Variants in PRUNE2 observed in about 807,000 individuals in gnomAD.
PRUNE2 encodes the protein prune homolog 2 with BCH domain, also known as protein prune homolog 2.
In PRUNE2, 164 loss-of-function variants were observed where a neutral mutation model predicts 252.0. The observed-to-expected ratio is 0.65, with a 90% CI of 0.57 to 0.74. The LOEUF (loss-of-function observed/expected upper bound fraction) is 0.74, where lower values mean the gene tolerates loss of function less well. Ranked by LOEUF, PRUNE2 falls within the 30% of genes least tolerant of loss-of-function variation. The pLI is 0.00. For missense variants in PRUNE2, 3,495 were observed against 3,711.0 expected, an observed-to-expected ratio of 0.94 and a Z score of 1.51; for synonymous variants, 1,292 against 1,350.2, an observed-to-expected ratio of 0.96 and a Z score of 0.94.
intron 18 of PRUNE2, among the ~76,000 whole-genome samples, chr9:76,615,589 C>A (rs577157388): frequency 6.6e-6 from 1 of 152,124 alleles, no homozygotes; most frequent in Non-Finnish European, 1.5e-5. Context: ...AAGTCACCCA[C>A]CTTCTCTAAG....
At chr9:76,637,757 T>A (rs1440284513) in intron 13 of PRUNE2, among the ~76,000 whole-genome samples, 14 of 152,154 alleles carry the variant, frequency 9.2e-5, no homozygotes, top group Admixed American at 9.2e-4. Context: ...TAAATGGAGG[T>A]ACACTAGAAA....
At chr9:76,815,155 C>G (rs2057603497) in intron 6 of PRUNE2, among the ~76,000 whole-genome samples, 1 of 152,158 alleles carries the variant, frequency 6.6e-6, no homozygotes, top group Admixed American at 6.6e-5. Flanking sequence ...ATCTTCTCTA[C>G]CTGCTCTGTG....
chr9:76,783,331 T>C (rs2054626200), intron 6 of PRUNE2, among the ~76,000 whole-genome samples: 1 of 152,078 alleles, frequency 6.6e-6, no homozygotes, highest in Non-Finnish European at 1.5e-5. Context: ...GAGATGGGGT[T>C]TCACCATATT....
chr9:76,883,259 G>A (rs1022238262), intron 1 of PRUNE2, among the ~76,000 whole-genome samples: 4 of 152,164 alleles, frequency 2.6e-5, no homozygotes, highest in African/African-American at 9.7e-5. Context: ...ACCTCGAGTC[G>A]TCCAAGAATC....
chr9:76,640,266 G>A (rs533709392), intron 12 of PRUNE2, among the ~76,000 whole-genome samples: 1 of 152,230 alleles, frequency 6.6e-6, no homozygotes, highest in Admixed American at 6.5e-5. Flanking sequence ...GTATAGATTT[G>A]GATGGAGTTA....
At chr9:76,838,190 A>G (rs1053287435) in intron 4 of PRUNE2, among the ~76,000 whole-genome samples, 1 of 149,700 alleles carries the variant, frequency 6.7e-6, no homozygotes, top group Non-Finnish European at 1.5e-5. Context: ...TACTGCATGC[A>G]TTTTTGTAAG....
At chr9:76,846,026 G>A (rs1235677000) in intron 4 of PRUNE2, among the ~76,000 whole-genome samples, 1 of 152,190 alleles carries the variant, frequency 6.6e-6, no homozygotes, top group Non-Finnish European at 1.5e-5. Context: ...CAAGACAGGG[G>A]AGCAAAGGAG....
Position 76,707,269 on chromosome 9 carries a change from T to C in PRUNE2, c.5005A>G (p.Ile1669Val), listed in dbSNP as rs2134891063. The C allele has an allele frequency of 1.9e-6, 3 of 1,613,966 alleles. No individual in the cohort carries two copies. The highest frequency in any genetic ancestry group is 1.7e-6 in the Non-Finnish European group (2 of 1,179,884). ...ASYQEKNEHDISATVQPEDAR... is the reference protein window; with the variant it reads ...ASYQEKNEHDVSATVQPEDAR... ...TCCTCTGGCTGCACAGTTGCAGAAATGTCATGTTCATTTTTCTCCTGGTAG... is the reference window on the plus strand; with the variant it reads ...TCCTCTGGCTGCACAGTTGCAGAAACGTCATGTTCATTTTTCTCCTGGTAG... Residue 1669 changes from isoleucine (I) to valine (V), a missense_variant, in exon 8 of 19, where the codon ATT (isoleucine) becomes GTT (valine). Physicochemically the swap from Ile to Val is conservative, Grantham distance 29 (BLOSUM62 3). Coordinates refer to ENST00000376718, the MANE Select transcript of PRUNE2 (RefSeq NM_015225.3).
intron 6 of PRUNE2, among the ~76,000 whole-genome samples, chr9:76,720,528 G>A (rs57347426): frequency 0.22 from 32,824 of 151,628 alleles, 4,035 homozygotes; most frequent in East Asian, 0.57. Flanking sequence ...AGAACTAAAA[G>A]CATATATAAA....
intron 4 of PRUNE2, among the ~76,000 whole-genome samples, chr9:76,837,891 C>T (rs1208554001): frequency 6.6e-6 from 1 of 151,408 alleles, no homozygotes; most frequent in African/African-American, 2.4e-5. Flanking sequence ...CCTGCCTCAG[C>T]CTCCTGAGTA....
At chr9:76,788,038 G>A (rs921095174) in intron 6 of PRUNE2, among the ~76,000 whole-genome samples, 4 of 151,978 alleles carry the variant, frequency 2.6e-5, no homozygotes, top group South Asian at 2.1e-4. Flanking sequence ...TTTAAGATTC[G>A]GCTCAAGAGT....
At chr9:76,876,052 T>C (rs983564562) in intron 1 of PRUNE2, among the ~76,000 whole-genome samples, 3 of 152,344 alleles carry the variant, frequency 2.0e-5, no homozygotes, top group East Asian at 3.9e-4. Context: ...CTCTATGGCA[T>C]ACTAGTAGTA....
rs547305828 is a variant in PRUNE2, at chr9:76,902,040, G to A, written c.36+3888C>T. ...AGCTGCTTGAGTTGCATCACCTGGG[G>A]GGGTCTGGGCAGTGAGGGAGGCTCA... is the stretch of plus-strand genomic sequence containing the variant. On this transcript the variant is annotated intron_variant, in intron 1 of 18. Transcript: ENST00000376718. 3.3e-5 allele frequency among the ~76,000 whole-genome samples: 5 copies of A among 152,278 alleles called. No homozygotes were observed. In the South Asian group the frequency reaches 6.2e-4, roughly 19 times the overall value.
intron 6 of PRUNE2, among the ~76,000 whole-genome samples, chr9:76,714,639 C>T (rs2046996327): frequency 6.6e-6 from 1 of 152,192 alleles, no homozygotes; most frequent in South Asian, 2.1e-4. Context: ...TCAACTGATC[C>T]ACCCACTTCA....
At chr9:76,702,714 CCTGT>C (rs761730202) in intron 9 of PRUNE2, among the ~76,000 whole-genome samples, 1 of 152,160 alleles carries the variant, frequency 6.6e-6, no homozygotes, top group African/African-American at 2.4e-5. Flanking sequence ...TGCTGTGGAG[CCTGT>C]CTCTTATCTA....
rs756892862 is a variant in PRUNE2, at chr9:76,704,037, G to A, written c.7576C>T (p.Gln2526Ter). 4.5e-5 allele frequency: 73 copies of A among 1,610,604 alleles called. No individual in the cohort carries two copies. Among genetic ancestry groups the A allele is most frequent in the Non-Finnish European group, 5.8e-5 (68 of 1,179,040 alleles). ...TCTTCCTTGTATTCTGATTTTATCTGCTCAGGCTCTTTGGTAGGAATTGTT... is the reference window on the plus strand; with the variant it reads ...TCTTCCTTGTATTCTGATTTTATCTACTCAGGCTCTTTGGTAGGAATTGTT... ...EKTIPTKEPE[Q>*]IKSEYKEERC... The change falls in exon 9 of 19, where the codon CAG becomes TAG. Residue 2526 changes from glutamine to a stop codon, truncating the protein, a stop_gained. Coordinates refer to ENST00000376718, the MANE Select transcript of PRUNE2 (RefSeq NM_015225.3). LOFTEE classifies it high-confidence loss of function.
chr9:76,634,908 T>C (rs1839321404), intron 15 of PRUNE2, among the ~76,000 whole-genome samples: 1 of 152,212 alleles, frequency 6.6e-6, no homozygotes, highest in African/African-American at 2.4e-5. Flanking sequence ...TCCTACTCCC[T>C]AGTTACAACA....
chr9:76,642,001 T>TAAAAAAAAAAAAAAAAAGAAAAAA, intron 12 of PRUNE2: 3 of 1,010,452 alleles, frequency 3.0e-6, no homozygotes, highest in South Asian at 1.7e-5. Context: ...ATAAGAGAAG[T>TAAAAAAAAAAAAAAAAAGAAAAAA]AAAAAAAAAA....
chr9:76,647,755 G>C (rs1307947827), intron 11 of PRUNE2, among the ~76,000 whole-genome samples: 1 of 152,108 alleles, frequency 6.6e-6, no homozygotes, highest in Admixed American at 6.5e-5. Context: ...ACGAGGTCAG[G>C]AGATCAAGAC....
Sources: gnomAD v4.1 joint callset for allele counts (sites outside exome capture counted in the v4.1 genomes callset) on GRCh38, gnomAD v4.1.1 for gene constraint, MANE v1.5 for transcripts, NCBI Gene and HGNC (gene_info 2026-07-23, HGNC 2026-07-21) for gene names.